PCSK5: variants seen among roughly 807,000 people sequenced by gnomAD.
PCSK5 encodes prohormone convertase 5.
PCSK5 carries 129 observed loss-of-function variants against 233.2 expected under a neutral mutation model. The observed-to-expected ratio is 0.55, with a 90% CI of 0.48 to 0.64. PCSK5 has a LOEUF of 0.64. Among genes scored for constraint, PCSK5 ranks in the 30% least tolerant of loss-of-function variants. PCSK5 has a pLI of 0.00. For missense variants in PCSK5, 2,076 were observed against 2,430.1 expected, an observed-to-expected ratio of 0.85 and a Z score of 3.06; for synonymous variants, 825 against 879.2, an observed-to-expected ratio of 0.94 and a Z score of 1.09.
At chr9:75,946,877 C>T (rs574438310) in intron 2 of PCSK5, among the ~76,000 whole-genome samples, 39 of 152,268 alleles carry the variant, frequency 2.6e-4, no homozygotes, top group South Asian at 8.3e-4. Flanking sequence ...CATAAGCCAC[C>T]GCGCCCAGCC....
intron 7 of PCSK5, among the ~76,000 whole-genome samples, chr9:76,094,629 A>G (rs1008203884): frequency 6.6e-6 from 1 of 151,820 alleles, no homozygotes; most frequent in Non-Finnish European, 1.5e-5. Context: ...TTCAAGATGG[A>G]GTCTCACTCT....
intron 35 of PCSK5, among the ~76,000 whole-genome samples, chr9:76,345,270 TCACCCAGGCTAAAGTG>T (rs889208277): frequency 4.6e-5 from 7 of 152,190 alleles, no homozygotes; most frequent in Non-Finnish European, 1.0e-4. Context: ...TAAAGTTCTG[TCACCCAGGCTAAAGTG>T]CAGTGATGCA....
chr9:76,132,223 A>C (rs1358003254), intron 9 of PCSK5, among the ~76,000 whole-genome samples: 3 of 152,116 alleles, frequency 2.0e-5, no homozygotes, highest in African/African-American at 7.2e-5. Flanking sequence ...AGTGTTTGTC[A>C]GCAAAGGCTC....
intron 7 of PCSK5, among the ~76,000 whole-genome samples, chr9:76,075,215 G>A (rs571077611): frequency 6.8e-5 from 10 of 147,194 alleles, no homozygotes; most frequent in South Asian, 2.1e-4. Context: ...GTAAGACTCC[G>A]TCTCAATAAA....
chr9:76,296,760 G>A lies in PCSK5; in HGVS notation c.3418G>A (p.Gly1140Ser), dbSNP rs1439811588. The A allele has an allele frequency of 6.2e-7, 1 of 1,611,766 alleles. No homozygotes were observed. Among genetic ancestry groups the A allele is most frequent in the Non-Finnish European group, 8.5e-7 (1 of 1,178,904 alleles). ...SCHRACETCTGPGHDECSSCQ... is the reference protein window; with the variant it reads ...SCHRACETCTSPGHDECSSCQ... ...CCACCGAGCATGCGAAACCTGCACA[G>A]GCCCTGGTCATGACGAGTGCAGCAG... The change falls in exon 27 of 38, where the codon GGC becomes AGC. Residue 1140 changes from glycine (G) to serine (S), a missense_variant. Transcript: ENST00000674117.
At chr9:76,080,116 C>G (rs1266132446) in intron 7 of PCSK5, among the ~76,000 whole-genome samples, 1 of 152,104 alleles carries the variant, frequency 6.6e-6, no homozygotes, top group Admixed American at 6.6e-5. Flanking sequence ...TCCCTGAAGC[C>G]GTTGTCCCAC....
chr9:75,952,018 G>A (rs1302069532), intron 2 of PCSK5, among the ~76,000 whole-genome samples: 3 of 152,028 alleles, frequency 2.0e-5, no homozygotes, highest in Non-Finnish European at 4.4e-5. Flanking sequence ...AATTTAAAGT[G>A]AACATCACTA....
intron 24 of PCSK5, among the ~76,000 whole-genome samples, chr9:76,256,371 G>C (rs1407495775): frequency 1.3e-5 from 2 of 152,216 alleles, no homozygotes; most frequent in Non-Finnish European, 2.9e-5. Context: ...AGCTTGCAGA[G>C]AGAACTGAGC....
chr9:76,273,308 A>G (rs1361881290), intron 24 of PCSK5, among the ~76,000 whole-genome samples: 7 of 152,104 alleles, frequency 4.6e-5, no homozygotes, highest in African/African-American at 1.4e-4. Context: ...TCTTAGCAAT[A>G]CTGAAAACAC....
chr9:76,201,306 G>A (rs1305899583), intron 20 of PCSK5, among the ~76,000 whole-genome samples: 1 of 152,136 alleles, frequency 6.6e-6, no homozygotes, highest in African/African-American at 2.4e-5. Context: ...ACCCCCATAT[G>A]CGGAGTACTT....
chr9:76,235,205 A>G (rs1277208544), intron 22 of PCSK5, among the ~76,000 whole-genome samples: 2 of 152,232 alleles, frequency 1.3e-5, no homozygotes, highest in Non-Finnish European at 2.9e-5. Flanking sequence ...TGTTAAGACC[A>G]GCAGTCAGAA....
chr9:76,105,880 T>C (rs1831958176), intron 8 of PCSK5, among the ~76,000 whole-genome samples: 1 of 152,230 alleles, frequency 6.6e-6, no homozygotes, highest in Non-Finnish European at 1.5e-5. Flanking sequence ...TATGGTCTCA[T>C]GTGAAACTAA....
chr9:76,212,711 A>G (rs1318606517), intron 20 of PCSK5, among the ~76,000 whole-genome samples: 2 of 152,210 alleles, frequency 1.3e-5, no homozygotes, highest in Non-Finnish European at 2.9e-5. Context: ...TCATAATGAC[A>G]TTTATTCACC....
intron 7 of PCSK5, among the ~76,000 whole-genome samples, chr9:76,086,986 AAC>A (rs1456889983): frequency 3.9e-5 from 6 of 152,234 alleles, no homozygotes; most frequent in South Asian, 2.1e-4. Context: ...TCCATTGGTA[AAC>A]ACACCCAGTT....
chr9:75,964,691 G>C (rs537652892), intron 2 of PCSK5, among the ~76,000 whole-genome samples: 1 of 152,310 alleles, frequency 6.6e-6, no homozygotes, highest in Admixed American at 6.5e-5. Context: ...ATGACTAATA[G>C]CAGTAGAATT....
chr9:76,096,082 G>T lies in PCSK5; in HGVS notation c.1087G>T (p.Glu363Ter). Residue 363 changes from glutamate to a stop codon, truncating the protein, a stop_gained, in exon 8 of 38, where the codon GAG (glutamate) becomes TAG (stop). Transcript: ENST00000674117. LOFTEE classifies it high-confidence loss of function. ...STLATTYSSG[E>*]SYDKKIITTD... ...GCTGGCCACAACCTACAGCAGCGGG[G>T]AGTCCTACGATAAGAAAATCGTACG... 6.2e-7 allele frequency: 1 copy of T among 1,613,704 alleles called. No homozygotes were observed. The highest frequency in any genetic ancestry group is 8.5e-7 in the Non-Finnish European group (1 of 1,179,734).
At chr9:76,049,031 C>T (rs28485617) in intron 5 of PCSK5, among the ~76,000 whole-genome samples, 14,969 of 151,748 alleles carry the variant, frequency 0.099, 2,347 homozygotes, top group African/African-American at 0.34. Flanking sequence ...ATAGGCAGAC[C>T]ACAGACTGGA....
chr9:76,015,093 C>T (rs1247813619), intron 3 of PCSK5, among the ~76,000 whole-genome samples: 1 of 152,106 alleles, frequency 6.6e-6, no homozygotes, highest in African/African-American at 2.4e-5. Flanking sequence ...AGTCCAAGCC[C>T]AGAAGGCTGG....
At chr9:76,258,789 A>T (rs111903258) in intron 24 of PCSK5, among the ~76,000 whole-genome samples, 1 of 152,208 alleles carries the variant, frequency 6.6e-6, no homozygotes, top group Admixed American at 6.5e-5. Flanking sequence ...GATTTTAAAG[A>T]TAAATTATGT....
Sources: allele counts gnomAD v4.1 joint callset (sites outside exome capture counted in the v4.1 genomes callset), GRCh38; gene constraint gnomAD v4.1.1; transcripts MANE v1.5; gene names NCBI Gene and HGNC (gene_info 2026-07-23, HGNC 2026-07-21).